BBS9: variants seen among roughly 807,000 people sequenced by gnomAD.
The protein encoded by BBS9 is protein PTHB1.
In BBS9, 89 loss-of-function variants were observed where a neutral mutation model predicts 117.7. That is an observed-to-expected ratio of 0.76 (90% confidence interval 0.64 to 0.90). BBS9 has a LOEUF of 0.90. BBS9 is among the 40% of genes least tolerant of loss of function. The pLI is 0.00. For missense variants in BBS9, 982 were observed against 1,042.2 expected (o/e 0.94, Z 0.80); for synonymous variants, 379 against 370.9 (o/e 1.02, Z -0.25).
intron 5 of BBS9, among the ~76,000 whole-genome samples, chr7:33,209,072 T>C (rs1787521552): frequency 6.6e-6 from 1 of 152,206 alleles, no homozygotes; most frequent in African/African-American, 2.4e-5. Context: ...TTTGTACATT[T>C]AGCCATTTCT....
intron 9 of BBS9, among the ~76,000 whole-genome samples, chr7:33,332,541 G>A (rs1040552902): frequency 6.6e-6 from 1 of 152,136 alleles, no homozygotes; most frequent in African/African-American, 2.4e-5. Context: ...GCTGGGTGTG[G>A]TGGCAGGCGC....
At chr7:33,375,437 G>C (rs1823667836) in intron 17 of BBS9, among the ~76,000 whole-genome samples, 1 of 151,830 alleles carries the variant, frequency 6.6e-6, no homozygotes, top group African/African-American at 2.4e-5. Flanking sequence ...AACCATCTTG[G>C]AGTACTAACA....
intron 21 of BBS9, among the ~76,000 whole-genome samples, chr7:33,595,838 G>A (rs1164469741): frequency 6.6e-6 from 1 of 152,146 alleles, no homozygotes; most frequent in Non-Finnish European, 1.5e-5. Flanking sequence ...ATACTATGCA[G>A]CTATAAAAAT....
At chr7:33,165,597 A>G (rs909736975) in intron 4 of BBS9, among the ~76,000 whole-genome samples, 4 of 151,806 alleles carry the variant, frequency 2.6e-5, no homozygotes, top group Admixed American at 1.3e-4. Context: ...TCAATCAACG[A>G]TAGCCTTTCT....
chr7:33,296,892 A>C (rs945118005), intron 9 of BBS9, among the ~76,000 whole-genome samples: 7 of 152,180 alleles, frequency 4.6e-5, no homozygotes, highest in Non-Finnish European at 8.8e-5. Flanking sequence ...TTTGTTACAA[A>C]CAACAGAAAA....
intron 10 of BBS9, among the ~76,000 whole-genome samples, chr7:33,339,286 A>G (rs1013427893): frequency 7.2e-5 from 11 of 152,162 alleles, no homozygotes; most frequent in Non-Finnish European, 1.6e-4. Context: ...CTTGGAAGCC[A>G]CACCCTGAAT....
chr7:33,209,306 T>A (rs1196381876), intron 5 of BBS9, among the ~76,000 whole-genome samples: 1 of 152,184 alleles, frequency 6.6e-6, no homozygotes, highest in Non-Finnish European at 1.5e-5. Flanking sequence ...AGTATTCCAT[T>A]GTATATATGT....
At chr7:33,479,513 T>C (rs1842238625) in intron 19 of BBS9, among the ~76,000 whole-genome samples, 1 of 152,218 alleles carries the variant, frequency 6.6e-6, no homozygotes. Context: ...AATCCATTGT[T>C]CAGGGGCACC....
At chr7:33,620,412 C>T (rs78773104) in intron 21 of BBS9, among the ~76,000 whole-genome samples, 5,830 of 151,796 alleles carry the variant, frequency 0.038, 140 homozygotes, top group East Asian at 0.084. Flanking sequence ...AGTAAAGTTG[C>T]GGGACGAAAA....
intron 5 of BBS9, among the ~76,000 whole-genome samples, chr7:33,185,059 A>G (rs1173121603): frequency 4.6e-5 from 7 of 152,174 alleles, no homozygotes; most frequent in Non-Finnish European, 1.0e-4. Context: ...ACATGGCACT[A>G]GTGGGAGTGT....
intron 21 of BBS9, among the ~76,000 whole-genome samples, chr7:33,546,653 A>T (rs10258692): frequency 2.0e-5 from 3 of 152,068 alleles, no homozygotes; most frequent in Non-Finnish European, 4.4e-5. Flanking sequence ...TCCACACACA[A>T]CATGCATTTC....
rs751209650 is a variant in BBS9 at position 33,152,836 on chromosome 7, T to C, written c.248T>C (p.Val83Ala). 1.2e-6 allele frequency: 2 copies of C among 1,613,930 alleles called. No individual in the cohort carries two copies. The highest frequency in any genetic ancestry group is 2.2e-5 in the East Asian group (1 of 44,846). Residue 83 changes from valine (V) to alanine (A), a missense_variant, in exon 3 of 23, where the codon GTA becomes GCA. Transcript: ENST00000242067. Reference sequence around the variant, plus strand: ...CGAGATCCAGTACTTCAAGTGGAAGTAGGAAAGTTTGTTTCGTAAGTAAGC... The same window carrying C: ...CGAGATCCAGTACTTCAAGTGGAAGCAGGAAAGTTTGTTTCGTAAGTAAGC... ...DLRDPVLQVE[V>A]GKFVSGTEML... is the part of the protein sequence containing the mutation.
At chr7:33,623,960 G>A (rs1433984734) in intron 21 of BBS9, among the ~76,000 whole-genome samples, 1 of 149,448 alleles carries the variant, frequency 6.7e-6, no homozygotes, top group Non-Finnish European at 1.5e-5. Flanking sequence ...TGGTTGGTGA[G>A]CAAATCTTTC....
chr7:33,152,860 G>A lies in BBS9; in HGVS notation c.263+9G>A, dbSNP rs991662754. ...GTAGGAAAGTTTGTTTCGTAAGTAA[G>A]CCCACTAATTCTGGTATTTTACTTG... On this transcript the variant is annotated intron_variant, in intron 3 of 22. Transcript: ENST00000242067. 1 of 1,613,702 alleles carries A rather than the reference G, an allele frequency of 6.2e-7. No homozygotes were observed. Among genetic ancestry groups the A allele is most frequent in the Non-Finnish European group, 8.5e-7 (1 of 1,179,778 alleles).
At chr7:33,566,268 A>G (rs1167451834) in intron 21 of BBS9, among the ~76,000 whole-genome samples, 1 of 148,074 alleles carries the variant, frequency 6.8e-6, no homozygotes, top group Admixed American at 6.9e-5. Flanking sequence ...TTAAAAAAAG[A>G]TGTCTGTACT....
intron 19 of BBS9, among the ~76,000 whole-genome samples, chr7:33,461,664 C>T (rs1351932781): frequency 6.6e-6 from 1 of 151,708 alleles, no homozygotes; most frequent in Admixed American, 6.6e-5. Flanking sequence ...GAAAATGAAA[C>T]AAAAATTAAA....
chr7:33,594,066 C>G (rs886542369), intron 21 of BBS9, among the ~76,000 whole-genome samples: 6 of 152,226 alleles, frequency 3.9e-5, no homozygotes, highest in African/African-American at 1.2e-4. Flanking sequence ...GCACCCTGCT[C>G]TCTTAAATCC....
chr7:33,540,004 T>C (rs1311431346), intron 21 of BBS9, among the ~76,000 whole-genome samples: 1 of 152,196 alleles, frequency 6.6e-6, no homozygotes, highest in Non-Finnish European at 1.5e-5. Flanking sequence ...AGTTTTTGAG[T>C]GTGTATCTTT....
chr7:33,160,529 A>C (rs1296975170), intron 4 of BBS9, among the ~76,000 whole-genome samples: 1 of 152,214 alleles, frequency 6.6e-6, no homozygotes, highest in East Asian at 1.9e-4. Flanking sequence ...AAGCATAAGC[A>C]AGAAAAAATA....
Sources: gnomAD v4.1 joint callset for allele counts (sites outside exome capture counted in the v4.1 genomes callset) on GRCh38, gnomAD v4.1.1 for gene constraint, MANE v1.5 for transcripts, NCBI Gene and HGNC (gene_info 2026-07-23, HGNC 2026-07-21) for gene names.